The following FAT2 variants were observed in gnomAD, a reference collection of about 807,000 sequenced individuals.
The protein encoded by FAT2 is FAT atypical cadherin 2.
FAT2 carries 150 observed loss-of-function variants against 295.3 expected under a neutral mutation model. That is an observed-to-expected ratio of 0.51 (90% CI 0.44 to 0.58). The LOEUF is 0.58. FAT2 is among the 20% of genes least tolerant of loss of function. The pLI, the probability that FAT2 is intolerant of heterozygous loss-of-function variation, is 0.00. For synonymous variants in FAT2, 2,026 were observed against 2,150.3 expected, an observed-to-expected ratio of 0.94 and a Z score of 1.60; for missense variants, 4,868 against 5,442.7, an observed-to-expected ratio of 0.89 and a Z score of 3.32.
chr5:151,587,094 A>C (rs1462937732), intron 1 of FAT2, among the ~76,000 whole-genome samples: 1 of 152,052 alleles, frequency 6.6e-6, no homozygotes, highest in African/African-American at 2.4e-5. Context: ...GTAAGCCAAG[A>C]TCATGTCACT....
At chr5:151,550,467 A>G in intron 8 of FAT2, 123 bp downstream of exon 8, 1 of 1,145,918 alleles carries the variant, frequency 8.7e-7, no homozygotes. Context: ...GTGAAATGTC[A>G]CAACTCTGTC....
In FAT2 at chr5:151,567,854, G is replaced by A; in HGVS notation, c.1078C>T (p.Leu360Phe). 1 of 1,614,142 alleles carries A rather than the reference G, an allele frequency of 6.2e-7. No individual in the cohort carries two copies. The highest frequency in any genetic ancestry group is 1.6e-4 in the Middle Eastern group (1 of 6,062). ...CTGTAAACAGCCTTCTCGAATTTGA[G>A]GGAAGACAGTTTGGAAGGTGGTAGG... ...FHLPPSKLSS[L>F]KFEKAVYRVQ... is the part of the protein sequence containing the mutation. Residue 360 changes from leucine to phenylalanine, a missense_variant, in exon 2 of 24, where the codon CTC becomes TTC. Around this residue, in one of 5 missense-constraint regions of FAT2, gnomAD observed 3,297 missense variants for 3,669.4 expected, o/e 0.90. Coordinates refer to ENST00000261800, the MANE Select transcript of FAT2 (RefSeq NM_001447.3).
In FAT2 at chr5:151,505,921, T is replaced by G. The variant is rs1487953845; in HGVS notation, c.12694A>C (p.Met4232Leu). 2 of 1,587,056 alleles carry G rather than the reference T, an allele frequency of 1.3e-6. No individual in the cohort carries two copies. The highest frequency in any genetic ancestry group is 2.7e-5 in the African/African-American group (2 of 73,390). The change falls in exon 24 of 24, where the codon ATG becomes CTG. Residue 4232 changes from methionine to leucine, a missense_variant. Met to Leu is a conservative substitution (Grantham distance 15, BLOSUM62 2). Around this residue, in one of 5 missense-constraint regions of FAT2, gnomAD observed 492 missense variants for 482.6 expected, o/e 1.02. Coordinates refer to ENST00000261800, the MANE Select transcript of FAT2 (RefSeq NM_001447.3). ...GGGAGAGGTGCCCGCTTGTTTTCCATCTCCAGGGGGAAGGGGAAGCCCCCA... is the reference window on the plus strand; with the variant it reads ...GGGAGAGGTGCCCGCTTGTTTTCCAGCTCCAGGGGGAAGGGGAAGCCCCCA... ...LYGGFPFPLE[M>L]ENKRAPLPPR... is the part of the protein sequence containing the mutation.
Position 151,554,520 on chromosome 5 carries a change from C to G in FAT2, c.3787G>C (p.Val1263Leu), listed in dbSNP as rs762176640. The G allele has an allele frequency of 2.5e-6, 4 of 1,614,244 alleles. No homozygotes were observed. Among genetic ancestry groups the G allele is most frequent in the Non-Finnish European group, 3.4e-6 (4 of 1,180,046 alleles). ...AGGTCTGAAGCCACCAGCCTGTACA[C>G]AGGCCCAGGGGACACAGGGCTCAGC... is the stretch of plus-strand genomic sequence containing the variant. Reference protein sequence around the residue: ...ERLSPVSPGPVYRLVASDLDE... With the variant: ...ERLSPVSPGPLYRLVASDLDE... Residue 1263 changes from valine (V) to leucine (L), a missense_variant, in exon 5 of 24, where the codon GTG becomes CTG. Physicochemically the swap from Val to Leu is conservative, Grantham distance 32. Transcript: ENST00000261800.
In FAT2 at chr5:151,515,108, A is replaced by G. The variant is rs111889832; in HGVS notation, c.11464-2502T>C. 2.0e-5 allele frequency among the ~76,000 whole-genome samples: 3 copies of G among 152,174 alleles called. 1 individual carries two copies. The highest frequency in any genetic ancestry group is 7.2e-5 in the African/African-American group (3 of 41,526). ...GAAACCATTGGTGTCAGGGGATTCA[A>G]TGATCTCTGTGTTGCCAAATCACTT... On this transcript the variant is annotated intron_variant, in intron 20 of 23. Transcript: ENST00000261800.
In FAT2 at chr5:151,584,944, A is replaced by G. The variant is rs1759114021; in HGVS notation, c.-21+6221T>C. Among the ~76,000 whole-genome samples the G allele has an allele frequency of 2.0e-5, 3 of 152,178 alleles. No individual in the cohort carries two copies. The South Asian group carries it at 6.2e-4, about 32-fold the overall frequency. On this transcript the variant is annotated intron_variant, in intron 1 of 23. Transcript: ENST00000261800. ...CACACTCCTCCATCTAATTTTGTAG[A>G]CTTAGGATGGGGCTAAGTAATTTGT...
At position 151,505,077 on chromosome 5, in the gene FAT2, C is replaced by G. The variant is rs1240687859; in HGVS notation, c.*488G>C. On this transcript the variant is annotated 3_prime_UTR_variant, in exon 24 of 24. Transcript: ENST00000261800. ...GCTCCCCTGCTGCTCACCTCTCAGC[C>G]CCTAGGAGGATGCCACGCAGCCCTC... The G allele has an allele frequency of 5.3e-6, 1 of 187,242 alleles. No individual in the cohort carries two copies. Among genetic ancestry groups the G allele is most frequent in the African/African-American group, 2.4e-5 (1 of 41,780 alleles). 11.6% of individuals were successfully genotyped at this position (187,242 alleles called of 1,614,324 possible).
At chr5:151,518,027 A>T (rs963605495) in intron 19 of FAT2, among the ~76,000 whole-genome samples, 1 of 152,116 alleles carries the variant, frequency 6.6e-6, no homozygotes, top group African/African-American at 2.4e-5. Flanking sequence ...TATGAATTTA[A>T]ACCATTAAGA....
In FAT2 at chr5:151,512,422, C is replaced by T. The variant is rs368472463; in HGVS notation, c.11648G>A (p.Arg3883His). The change falls in exon 21 of 24, where the codon CGT becomes CAT. Residue 3883 changes from arginine (R) to histidine (H), a missense_variant. Physicochemically the swap from Arg to His is conservative, Grantham distance 29. This residue lies in a region of FAT2 where 1,046 missense variants were observed against 1,210.1 expected (regional missense o/e 0.86). Transcript: ENST00000261800. This position sits in a 1 kb window ranked among gnomAD's most constrained non-coding sequence, Gnocchi z 4.1. Reference protein sequence around the residue: ...NTSLVVPENCRGLRPERHLLL... With the variant: ...NTSLVVPENCHGLRPERHLLL... ...GAGGTGCCTTTCGGGCCTCAGACCA[C>T]GGCAGTTCTCTGGGACCACAAGGGA... 20 of 1,614,256 alleles carry T rather than the reference C, an allele frequency of 1.2e-5. No individual in the cohort carries two copies. The highest frequency in any genetic ancestry group is 8.8e-5 in the South Asian group (8 of 91,082).
chr5:151,534,423 C>T lies in FAT2; in HGVS notation c.9413G>A (p.Arg3138Gln), dbSNP rs534880967. The change falls in exon 13 of 24, where the codon CGG becomes CAG. Residue 3138 changes from arginine to glutamine, a missense_variant. Transcript: ENST00000261800. ...VKTPVAVVFA[R>Q]DPDQGANAQV... ...CTCAGACTCACCTTGGTCGGGATCC[C>T]GGGCAAATACTACAGCCACAGGGGT... 9.3e-6 allele frequency: 15 copies of T among 1,606,808 alleles called. No homozygotes were observed. Among genetic ancestry groups the T allele is most frequent in the Middle Eastern group, 1.9e-4 (1 of 5,264 alleles).
At position 151,567,054 on chromosome 5, in the gene FAT2, G is replaced by A. The variant is rs770504792; in HGVS notation, c.1878C>T (p.Ile626=). Residue 626 remains isoleucine, a synonymous_variant, in exon 2 of 24, where the codon ATC becomes ATT. Transcript: ENST00000261800. ...SGVISLKRPF[I]NLTAGQPTSY... is the part of the protein sequence containing the mutation. ...TGGTGGGTTGACCAGCAGTAAGATT[G>A]ATAAAAGGGCGTTTGAGGGATATCA... 11 of 1,614,112 alleles carry A rather than the reference G, an allele frequency of 6.8e-6. No homozygotes were observed. Among genetic ancestry groups the A allele is most frequent in the South Asian group, 3.3e-5 (3 of 91,078 alleles).
At position 151,521,266 on chromosome 5, in the gene FAT2, T is replaced by C; in HGVS notation, c.11317+10A>G. 2 of 1,595,466 alleles carry C rather than the reference T, an allele frequency of 1.3e-6. No individual in the cohort carries two copies. The highest frequency in any genetic ancestry group is 1.7e-6 in the Non-Finnish European group (2 of 1,168,664). On this transcript the variant is annotated intron_variant, in intron 19 of 23. Coordinates refer to ENST00000261800, the MANE Select transcript of FAT2 (RefSeq NM_001447.3). ...GTGCTGCTCGTCCCTAGGGAAGATG[T>C]AGTACTTACCATTGCAGGAGCAGCT... is the stretch of plus-strand genomic sequence containing the variant.
rs143029232 is a variant in FAT2 at position 151,567,111 on chromosome 5, T to A, written c.1821A>T (p.Leu607=). ...AGAAATGATTTAGATCAAAATACTC[T>A]AGTTCATTGCCTGATACAATCTCGT... The part of the protein sequence containing the change: ...LKYEIVSGNE[L]EYFDLNHFSG... Residue 607 remains leucine, a synonymous_variant, in exon 2 of 24, where the codon CTA becomes CTT. Transcript: ENST00000261800. 151 of 1,614,086 alleles carry A rather than the reference T, an allele frequency of 9.4e-5. No homozygotes were observed. Among genetic ancestry groups the A allele is most frequent in the Non-Finnish European group, 1.8e-5 (21 of 1,180,038 alleles).
intron 9 of FAT2, among the ~76,000 whole-genome samples, chr5:151,547,050 T>G (rs1756709188): frequency 6.6e-6 from 1 of 152,242 alleles, no homozygotes; most frequent in South Asian, 2.1e-4. Flanking sequence ...TACACTATTA[T>G]TTAATTGATG....
chr5:151,538,041 A>C lies in FAT2; in HGVS notation c.9040-95T>G. 2 of 1,106,448 alleles carry C rather than the reference A, an allele frequency of 1.8e-6. 1 individual carries two copies. The highest frequency in any genetic ancestry group is 4.8e-5 in the East Asian group (2 of 41,536). The allele number at this position is 1,106,448 out of a possible 1,614,324, so 68.5% of individuals were successfully genotyped here. Reference sequence around the variant, plus strand: ...ACTGACTGAGGGAGGCAGAAGCAGAAAGAGAGACACTAAGAGGGCAGAGAC... The same window carrying C: ...ACTGACTGAGGGAGGCAGAAGCAGACAGAGAGACACTAAGAGGGCAGAGAC... On this transcript the variant is annotated intron_variant, in intron 11 of 23. Transcript: ENST00000261800.
intron 1 of FAT2, among the ~76,000 whole-genome samples, chr5:151,584,395 C>G (rs1001553341): frequency 6.6e-6 from 1 of 152,128 alleles, no homozygotes; most frequent in Non-Finnish European, 1.5e-5. Flanking sequence ...GTTCTTGGAG[C>G]AATATTCTGG....
At chr5:151,523,130 T>C (rs955265909) in intron 18 of FAT2, among the ~76,000 whole-genome samples, 7 of 152,164 alleles carry the variant, frequency 4.6e-5, no homozygotes, top group African/African-American at 1.7e-4. Flanking sequence ...CCAACACTTT[T>C]AATGTACAAG....
chr5:151,522,870 C>G (rs180881566), intron 18 of FAT2, among the ~76,000 whole-genome samples: 2 of 152,120 alleles, frequency 1.3e-5, no homozygotes, highest in Non-Finnish European at 2.9e-5. Flanking sequence ...TGGGCTGGCA[C>G]GCGCAGGGTT....
Position 151,567,735 on chromosome 5 carries a change from T to G in FAT2, c.1197A>C (p.Pro399=). 1 of 1,614,188 alleles carries G rather than the reference T, an allele frequency of 6.2e-7. No individual in the cohort carries two copies. Among genetic ancestry groups the G allele is most frequent in the Non-Finnish European group, 8.5e-7 (1 of 1,180,038 alleles). The part of the protein sequence containing the change: ...AFPNLQYVLK[P]SSENVGFKLN... Reference sequence around the variant, plus strand: ...GTTTAAATCCTACATTCTCTGAAGATGGCTTTAGAACATACTGCAGGTTGG... The same window carrying G: ...GTTTAAATCCTACATTCTCTGAAGAGGGCTTTAGAACATACTGCAGGTTGG... The change falls in exon 2 of 24, where the codon CCA becomes CCC. Residue 399 remains proline, a synonymous_variant. Transcript: ENST00000261800.
Sources: allele counts gnomAD v4.1 joint callset (sites outside exome capture counted in the v4.1 genomes callset), GRCh38; gene constraint gnomAD v4.1.1; regional missense constraint gnomAD v4.1.1; non-coding constraint Gnocchi (gnomAD v3.1); transcripts MANE v1.5; gene names NCBI Gene and HGNC (gene_info 2026-07-23, HGNC 2026-07-21).